TRIML2: variants seen among roughly 807,000 people sequenced by gnomAD.
TRIML2 encodes the protein probable E3 ubiquitin-protein ligase TRIML2.
In TRIML2, 28 loss-of-function variants were observed where a neutral mutation model predicts 31.2. That is an observed-to-expected ratio of 0.90 (90% CI 0.66 to 1.23). TRIML2 has a LOEUF of 1.23. Ranked by LOEUF, TRIML2 falls within the 50% of genes most tolerant of loss-of-function variation. The pLI is 0.00. For missense variants in TRIML2, 536 were observed against 528.3 expected, an observed-to-expected ratio of 1.01 and a Z score of -0.14; for synonymous variants, 187 against 197.5, an observed-to-expected ratio of 0.95 and a Z score of 0.45.
intron 3 of TRIML2, among the ~76,000 whole-genome samples, chr4:188,102,938 C>A (rs1269520551): frequency 6.6e-6 from 1 of 151,312 alleles, no homozygotes; most frequent in Non-Finnish European, 1.5e-5. Context: ...CCCCAGCTCA[C>A]CATCATCTCT....
intron 4 of TRIML2, 134 bp downstream of exon 4, chr4:188,100,922 G>A (rs1456467320): frequency 8.5e-6 from 6 of 708,440 alleles, no homozygotes; most frequent in South Asian, 2.3e-5. Flanking sequence ...TAGAAATGGA[G>A]TTGCCAGGTA....
chr4:188,101,017 C>T (rs752192982), intron 4 of TRIML2, 39 bp downstream of exon 4: 1 of 1,534,986 alleles, frequency 6.5e-7, no homozygotes, highest in East Asian at 2.3e-5. Flanking sequence ...TTCTTTTTCT[C>T]ATTTCTCAAA....
intron 3 of TRIML2, among the ~76,000 whole-genome samples, chr4:188,102,061 T>C (rs61006431): frequency 0.013 from 1,787 of 132,820 alleles, 41 homozygotes; most frequent in African/African-American, 0.049. Context: ...ACCCGGGAGG[T>C]GGAGCTTGCA....
intron 7 of TRIML2, among the ~76,000 whole-genome samples, chr4:188,094,384 T>A (rs1288179448): frequency 6.6e-6 from 1 of 152,216 alleles, no homozygotes; most frequent in Admixed American, 6.5e-5. Flanking sequence ...GAAGGATCTA[T>A]TTATAGAAAT....
intron 7 of TRIML2, chr4:188,093,001 T>C: frequency 2.6e-6 from 1 of 391,136 alleles, no homozygotes; most frequent in South Asian, 1.9e-5. Flanking sequence ...TTCTCTGTGT[T>C]TGTGACTCGC....
chr4:188,099,015 TC>T lies in TRIML2; in HGVS notation c.621+19del. 1 of 1,613,682 alleles carries T rather than the reference TC, an allele frequency of 6.2e-7. No homozygotes were observed. The highest frequency in any genetic ancestry group is 8.5e-7 in the Non-Finnish European group (1 of 1,179,850). ...TCAAATACTGGAATGAATTTTATTT[TC>T]TTTTTCCCAGCATCTTACCTTGAGC... On this transcript the variant is annotated intron_variant, in intron 5 of 7. Transcript: ENST00000682553.
rs769905335 is a variant in TRIML2, at chr4:188,105,332, T to A, written c.37A>T (p.Ile13Phe). The change falls in exon 2 of 8, where the codon ATC becomes TTC. Residue 13 changes from isoleucine (I) to phenylalanine (F), a missense_variant. Coordinates refer to ENST00000682553, the MANE Select transcript of TRIML2 (RefSeq NM_173553.4). The part of the protein sequence containing the change: ...KRLSPQLQHN[I>F]TEDAYCETHL... The stretch of plus-strand genomic sequence containing the variant: ...GTTTCACAATAGGCATCTTCTGTGA[T>A]GTTGTGCTGTAACTGAGGGCTGAGC... 30 of 1,597,902 alleles carry A rather than the reference T, an allele frequency of 1.9e-5. No individual in the cohort carries two copies. The highest frequency in any genetic ancestry group is 2.6e-5 in the Non-Finnish European group (30 of 1,168,784).
At chr4:188,103,005 G>GTTTTTTTTTTTTT (rs145048322) in intron 3 of TRIML2, among the ~76,000 whole-genome samples, 1 of 97,844 alleles carries the variant, frequency 1.0e-5, no homozygotes, top group Admixed American at 1.5e-4. Context: ...TACTCTCTTG[G>GTTTTTTTTTTTTT]TTTTTTTTTT....
At chr4:188,108,850 C>T (rs1019343322) in intron 1 of TRIML2, among the ~76,000 whole-genome samples, 1 of 152,110 alleles carries the variant, frequency 6.6e-6, no homozygotes, top group Non-Finnish European at 1.5e-5. Flanking sequence ...TTCTTAGTAG[C>T]GAAAAGATTT....
chr4:188,094,377 G>A (rs146832291), intron 7 of TRIML2, among the ~76,000 whole-genome samples: 42 of 152,180 alleles, frequency 2.8e-4, no homozygotes, highest in African/African-American at 9.9e-4. Flanking sequence ...AAATCCTGAA[G>A]GATCTATTTA....
chr4:188,099,788 T>C (rs1241986532), intron 4 of TRIML2, among the ~76,000 whole-genome samples: 1 of 152,178 alleles, frequency 6.6e-6, no homozygotes, highest in Admixed American at 6.6e-5. Flanking sequence ...AAACATTTCA[T>C]GTTTTTTCTG....
In TRIML2 at chr4:188,109,583, A is replaced by T. The variant is rs1734156855; in HGVS notation, c.-563T>A. 1 of 152,046 alleles carries T rather than the reference A, an allele frequency of 6.6e-6. No individual in the cohort carries two copies. The highest frequency in any genetic ancestry group is 1.5e-5 in the Non-Finnish European group (1 of 68,024). The allele number at this position is 152,046 out of a possible 1,614,324, so 9.4% of individuals were successfully genotyped here. A position where few individuals can be genotyped will look rare whatever the true frequency, so the allele number is the denominator to read the frequency against. On this transcript the variant is annotated 5_prime_UTR_variant, in exon 1 of 8. Coordinates refer to ENST00000682553, the MANE Select transcript of TRIML2 (RefSeq NM_173553.4). ...ATGAGTCACCACACCGAACCAAGGTATTTCCTTTAGGGAAAAAGCTGGAAC... is the reference window on the plus strand; with the variant it reads ...ATGAGTCACCACACCGAACCAAGGTTTTTCCTTTAGGGAAAAAGCTGGAAC...
At chr4:188,098,126 A>G (rs1733607652) in intron 5 of TRIML2, 71 of 234,772 alleles carry the variant, frequency 3.0e-4, no homozygotes, top group East Asian at 2.2e-3. Context: ...TCTCGGGGAA[A>G]AAAAAAAAAA....
chr4:188,109,169 G>T (rs1323031394), intron 1 of TRIML2, 74 bp downstream of exon 1: 1 of 149,642 alleles, frequency 6.7e-6, no homozygotes, highest in East Asian at 2.0e-4. Flanking sequence ...CACACACATA[G>T]ATTCTAAGAT....
Position 188,091,760 on chromosome 4 carries a change from G to T in TRIML2, c.927C>A (p.Asp309Glu). The T allele has an allele frequency of 6.2e-7, 1 of 1,614,038 alleles. No individual in the cohort carries two copies. Among genetic ancestry groups the T allele is most frequent in the Non-Finnish European group, 8.5e-7 (1 of 1,180,008 alleles). ...FTSGRHYWEVDVEKATRWQVG... is the reference protein window; with the variant it reads ...FTSGRHYWEVEVEKATRWQVG... The stretch of plus-strand genomic sequence containing the variant: ...CTTGCCACCTGGTTGCCTTTTCCAC[G>T]TCCACCTCCCAGTAGTGCCTCCCTG... The change falls in exon 8 of 8, where the codon GAC becomes GAA. Residue 309 changes from aspartate to glutamate, a missense_variant. Coordinates refer to ENST00000682553, the MANE Select transcript of TRIML2 (RefSeq NM_173553.4).
chr4:188,106,631 C>T, intron 1 of TRIML2: 1 of 155,646 alleles, frequency 6.4e-6, no homozygotes, highest in South Asian at 1.7e-4. Context: ...TCCCAGGTCG[C>T]GGCTCAGGCA....
chr4:188,092,134 A>G (rs771038031), intron 7 of TRIML2, among the ~76,000 whole-genome samples, 193 bp from the exon 8 acceptor site: 2 of 152,132 alleles, frequency 1.3e-5, no homozygotes, highest in African/African-American at 2.4e-5. Context: ...GAAAAAGTCC[A>G]TAAGATATGG....
chr4:188,096,309 T>C (rs10004783), intron 7 of TRIML2, among the ~76,000 whole-genome samples: 8,404 of 151,734 alleles, frequency 0.055, 374 homozygotes, highest in African/African-American at 0.12. Flanking sequence ...CCAAGGCGCG[T>C]GGATCACCTG....
chr4:188,099,967 G>C (rs888826964), intron 4 of TRIML2, among the ~76,000 whole-genome samples: 8 of 152,066 alleles, frequency 5.3e-5, no homozygotes, highest in Non-Finnish European at 1.5e-5. Context: ...TACGCAACTT[G>C]AGTATGTTAT....
Sources: gnomAD v4.1 joint callset for allele counts (sites outside exome capture counted in the v4.1 genomes callset) on GRCh38, gnomAD v4.1.1 for gene constraint, MANE v1.5 for transcripts, NCBI Gene and HGNC (gene_info 2026-07-23, HGNC 2026-07-21) for gene names.